The following SLC39A9 variants were observed in gnomAD, a reference collection of about 807,000 sequenced individuals.
The protein encoded by SLC39A9 is solute carrier family 39 member 9.
SLC39A9 carries 14 observed loss-of-function variants against 28.4 expected under a neutral mutation model. The observed-to-expected ratio is 0.49, with a 90% CI of 0.33 to 0.77. The LOEUF is 0.77. Among genes scored for constraint, SLC39A9 ranks in the 30% least tolerant of loss-of-function variants. SLC39A9 has a pLI of 0.02. For missense variants in SLC39A9, 283 were observed against 381.1 expected (o/e 0.74, Z 2.14); for synonymous variants, 119 against 149.6 (o/e 0.80, Z 1.49).
chr14:69,408,936 T>C (rs1483321590), intron 1 of SLC39A9, among the ~76,000 whole-genome samples: 1 of 152,220 alleles, frequency 6.6e-6, no homozygotes, highest in Non-Finnish European at 1.5e-5. Context: ...AGTATAATAA[T>C]TAATGACACA....
In SLC39A9 at chr14:69,453,247, A is replaced by T; in HGVS notation, c.410A>T (p.Glu137Val). 1 of 1,613,768 alleles carries T rather than the reference A, an allele frequency of 6.2e-7. No homozygotes were observed. Among genetic ancestry groups the T allele is most frequent in the Non-Finnish European group, 8.5e-7 (1 of 1,179,724 alleles). Residue 137 changes from glutamate to valine, a missense_variant, in exon 4 of 7, where the codon GAA becomes GTA. Glu to Val is a moderately radical substitution (Grantham distance 121, BLOSUM62 -2). Transcript: ENST00000336643. Reference protein sequence around the residue: ...NSHVHSTDDPEAARSSNSKIT... With the variant: ...NSHVHSTDDPVAARSSNSKIT... ...TTTCTCATTTTCACTTTAGATCCAG[A>T]AGCAGCAAGGTCTAGCAATTCCAAA...
intron 1 of SLC39A9, among the ~76,000 whole-genome samples, chr14:69,408,663 T>C (rs954090839): frequency 1.3e-5 from 2 of 152,214 alleles, no homozygotes; most frequent in Admixed American, 6.5e-5. Context: ...TATTCAAATA[T>C]TGTATCAGTG....
At chr14:69,437,921 T>A (rs1369951454) in intron 2 of SLC39A9, among the ~76,000 whole-genome samples, 1 of 152,118 alleles carries the variant, frequency 6.6e-6, no homozygotes, top group East Asian at 1.9e-4. Context: ...CTAAGCTGTC[T>A]CCAGATTTTT....
At chr14:69,429,268 A>T (rs1460357790) in intron 2 of SLC39A9, 2 of 152,166 alleles carry the variant, frequency 1.3e-5, no homozygotes, top group Admixed American at 6.5e-5. Context: ...TTATATTTTT[A>T]AATTTTTTTA....
Position 69,459,148 on chromosome 14 carries a change from G to A in SLC39A9, c.*555G>A, listed in dbSNP as rs913111302. The A allele has an allele frequency of 3.9e-5, 38 of 985,994 alleles. No homozygotes were observed. The highest frequency in any genetic ancestry group is 4.1e-5 in the Non-Finnish European group (34 of 830,228). 61.1% of individuals were successfully genotyped at this position (985,994 alleles called of 1,614,324 possible). A position where few individuals can be genotyped will look rare whatever the true frequency, so the allele number is the denominator to read the frequency against. On this transcript the variant is annotated 3_prime_UTR_variant, in exon 7 of 7. Transcript: ENST00000336643. ...AATCTGGGATTAGGGTCAGGAAAAT[G>A]ATAGCAAGACACATTGAAAGCTCTC...
At chr14:69,439,503 T>A (rs887051410) in intron 2 of SLC39A9, among the ~76,000 whole-genome samples, 3 of 152,220 alleles carry the variant, frequency 2.0e-5, no homozygotes, top group African/African-American at 7.2e-5. Flanking sequence ...AGAATTAATA[T>A]TGTTAAAATA....
At chr14:69,454,612 A>G in intron 4 of SLC39A9, 200 bp from the exon 5 acceptor site, 1 of 434,918 alleles carries the variant, frequency 2.3e-6, no homozygotes, top group Non-Finnish European at 4.1e-6. Context: ...TACATAAGTT[A>G]TCTCATTTAA....
At chr14:69,455,434 C>T (rs970418562) in intron 5 of SLC39A9, among the ~76,000 whole-genome samples, 3 of 152,090 alleles carry the variant, frequency 2.0e-5, no homozygotes, top group African/African-American at 7.2e-5. Flanking sequence ...TCAAGCGATT[C>T]TCCTGTCTCA....
At chr14:69,415,396 T>C (rs1173462844) in intron 1 of SLC39A9, among the ~76,000 whole-genome samples, 1 of 152,258 alleles carries the variant, frequency 6.6e-6, no homozygotes, top group Non-Finnish European at 1.5e-5. Context: ...GAGCACCTTT[T>C]CATGGGCTTA....
At chr14:69,402,045 G>A (rs966768200) in intron 1 of SLC39A9, among the ~76,000 whole-genome samples, 4 of 152,056 alleles carry the variant, frequency 2.6e-5, no homozygotes, top group African/African-American at 9.7e-5. Flanking sequence ...CTCCTACACT[G>A]GATAAATGAC....
At chr14:69,437,661 C>T (rs1293335129) in intron 2 of SLC39A9, among the ~76,000 whole-genome samples, 2 of 151,488 alleles carry the variant, frequency 1.3e-5, no homozygotes, top group African/African-American at 2.4e-5. Context: ...ACCATCTCAG[C>T]TCATTGCACC....
At chr14:69,453,532 A>AAG (rs566604917) in intron 4 of SLC39A9, among the ~76,000 whole-genome samples, 3 of 152,108 alleles carry the variant, frequency 2.0e-5, no homozygotes, top group Non-Finnish European at 2.9e-5. Context: ...TAAAAAAAAA[A>AAG]AGAGAGAGAG....
At chr14:69,444,047 A>G (rs769148644) in intron 3 of SLC39A9, among the ~76,000 whole-genome samples, 6 of 151,548 alleles carry the variant, frequency 4.0e-5, no homozygotes, top group Admixed American at 6.6e-5. Context: ...TTACCCAAGC[A>G]TGATGAGGCA....
At chr14:69,436,960 C>T (rs761269590) in intron 2 of SLC39A9, among the ~76,000 whole-genome samples, 8 of 152,160 alleles carry the variant, frequency 5.3e-5, no homozygotes, top group African/African-American at 7.2e-5. Flanking sequence ...CTCCGCCTCC[C>T]GGGTTCATGC....
At chr14:69,456,315 G>A (rs1256543782) in intron 6 of SLC39A9, among the ~76,000 whole-genome samples, 3 of 152,204 alleles carry the variant, frequency 2.0e-5, no homozygotes, top group Non-Finnish European at 4.4e-5. Context: ...GATTACTGAA[G>A]TGATAGAGTA....
chr14:69,454,326 A>G (rs968270143), intron 4 of SLC39A9, among the ~76,000 whole-genome samples: 28 of 152,140 alleles, frequency 1.8e-4, no homozygotes, highest in Non-Finnish European at 3.1e-4. Context: ...GCTGGAGTGC[A>G]CTGGCACGAT....
At chr14:69,443,149 T>G (rs1422301910) in intron 3 of SLC39A9, among the ~76,000 whole-genome samples, 1 of 152,240 alleles carries the variant, frequency 6.6e-6, no homozygotes, top group Non-Finnish European at 1.5e-5. Context: ...CATGATACAC[T>G]TCGATCCTGT....
At chr14:69,407,293 CCCTTCCTTCCCTT>C (rs1566906702) in intron 1 of SLC39A9, among the ~76,000 whole-genome samples, 1 of 142,356 alleles carries the variant, frequency 7.0e-6, no homozygotes, top group African/African-American at 2.5e-5. Context: ...TTCCTTCCTT[CCCTTCCTTCCCTT>C]CCTTCCTTCC....
At chr14:69,439,653 G>A (rs544345800) in intron 2 of SLC39A9, among the ~76,000 whole-genome samples, 28 of 152,280 alleles carry the variant, frequency 1.8e-4, no homozygotes, top group African/African-American at 6.7e-4. Flanking sequence ...GGCCTGGTGG[G>A]AGGTGTTTGG....
Sources: gnomAD v4.1 joint callset for allele counts (sites outside exome capture counted in the v4.1 genomes callset) on GRCh38, gnomAD v4.1.1 for gene constraint, MANE v1.5 for transcripts, NCBI Gene and HGNC (gene_info 2026-07-23, HGNC 2026-07-21) for gene names.